CPLANE1: variants seen among roughly 807,000 people sequenced by gnomAD.
CPLANE1 encodes the protein ciliogenesis and planar polarity effector complex subunit 1, also known as ciliogenesis and planar polarity effector 1.
A neutral mutation model predicts 362.5 loss-of-function variants in CPLANE1; 263 were observed. That is an observed-to-expected ratio of 0.73 (90% CI 0.66 to 0.80). The LOEUF (loss-of-function observed/expected upper bound fraction) is 0.80, where lower values mean the gene tolerates loss of function less well. Among genes scored for constraint, CPLANE1 ranks in the 30% least tolerant of loss-of-function variants. The pLI is 0.00. For synonymous variants in CPLANE1, 1,212 were observed against 1,302.6 expected (o/e 0.93, Z 1.50); for missense variants, 3,461 against 3,793.4 (o/e 0.91, Z 2.30).
chr5:37,241,913 C>A (rs1292623486), intron 6 of CPLANE1, among the ~76,000 whole-genome samples: 1 of 152,062 alleles, frequency 6.6e-6, no homozygotes, highest in East Asian at 1.9e-4. Context: ...TACAGGCATC[C>A]ACCACCACAC....
intron 44 of CPLANE1, 126 bp downstream of exon 44, chr5:37,142,184 C>A (rs1212118355): frequency 7.8e-7 from 1 of 1,286,050 alleles, no homozygotes; most frequent in East Asian, 3.1e-5. Flanking sequence ...AACTTTCCTT[C>A]CCCTAAAATA....
Position 37,182,926 on chromosome 5 carries a change from C to A in CPLANE1, c.5255G>T (p.Arg1752Met), listed in dbSNP as rs763933855. 1.2e-6 allele frequency: 2 copies of A among 1,605,162 alleles called. No homozygotes were observed. Among genetic ancestry groups the A allele is most frequent in the South Asian group, 2.2e-5 (2 of 89,290 alleles). Reference sequence around the variant, plus strand: ...ACAGAGTAGCCTTCTATTAGACCACCTTATCATCCATTCCAGCAGTCTTCC... The same window carrying A: ...ACAGAGTAGCCTTCTATTAGACCACATTATCATCCATTCCAGCAGTCTTCC... ...SIGRLLEWMI[R>M]WSNRRLLCDS... The change falls in exon 26 of 53, where the codon AGG becomes ATG. Residue 1752 changes from arginine (R) to methionine (M), a missense_variant. By Grantham distance (91) the Arg-to-Met change is moderately conservative (BLOSUM62 -1). This residue lies in a region of CPLANE1 where 3,380 missense variants were observed against 3,666.1 expected (regional missense o/e 0.92). Coordinates refer to ENST00000651892, the MANE Select transcript of CPLANE1 (RefSeq NM_001384732.1).
chr5:37,125,077 A>G, intron 47 of CPLANE1, 167 bp downstream of exon 47: 1 of 1,372,398 alleles, frequency 7.3e-7, no homozygotes. Context: ...ATGCTGCAAC[A>G]TTTTAAGATA....
At chr5:37,112,275 A>G (rs1347402297) in intron 51 of CPLANE1, among the ~76,000 whole-genome samples, 1 of 152,242 alleles carries the variant, frequency 6.6e-6, no homozygotes, top group East Asian at 1.9e-4. Context: ...ACAAACCTTG[A>G]GAGGCTATCA....
At position 37,107,271 on chromosome 5, in the gene CPLANE1, A is replaced by G. The variant is rs995119937; in HGVS notation, c.*331T>C. Reference sequence around the variant, plus strand: ...TGTTTCTCAAAACTCAGAGGGTAATAAAGGAGGAGGCAAGATAGAGGGTTT... The same window carrying G: ...TGTTTCTCAAAACTCAGAGGGTAATGAAGGAGGAGGCAAGATAGAGGGTTT... On this transcript the variant is annotated 3_prime_UTR_variant, in exon 53 of 53. Coordinates refer to ENST00000651892, the MANE Select transcript of CPLANE1 (RefSeq NM_001384732.1). 8.7e-6 allele frequency: 9 copies of G among 1,040,436 alleles called. No individual in the cohort carries two copies. The African/African-American group carries it at 1.5e-4, about 18-fold the overall frequency. 64.5% of individuals were successfully genotyped at this position (1,040,436 alleles called of 1,614,324 possible).
chr5:37,086,749 C>T, the CPLANE1 span, among the ~76,000 whole-genome samples: 1 of 152,156 alleles, frequency 6.6e-6, no homozygotes, highest in Non-Finnish European at 1.5e-5. Flanking sequence ...CCGGGGCTGA[C>T]AGCACTCTTC....
chr5:37,189,325 T>C (rs749485546), intron 21 of CPLANE1, among the ~76,000 whole-genome samples: 59 of 152,188 alleles, frequency 3.9e-4, no homozygotes, highest in Non-Finnish European at 6.8e-4. Context: ...TTCATCCCAA[T>C]AGTGAGAGAG....
At chr5:37,077,168 AG>A in the CPLANE1 span, among the ~76,000 whole-genome samples, 1 of 152,176 alleles carries the variant, frequency 6.6e-6, no homozygotes, top group South Asian at 2.1e-4. Context: ...TATAGGTGCT[AG>A]GAATTCTTTG....
intron 16 of CPLANE1, chr5:37,210,561 A>G: frequency 1.3e-6 from 2 of 1,523,602 alleles, no homozygotes; most frequent in Non-Finnish European, 1.8e-6. Flanking sequence ...CAATCAATCT[A>G]TAAATCGCAT....
Position 37,148,170 on chromosome 5 carries a change from C to A in CPLANE1, c.8461+11G>T, listed in dbSNP as rs576833008. On this transcript the variant is annotated intron_variant, in intron 43 of 52. Coordinates refer to ENST00000651892, the MANE Select transcript of CPLANE1 (RefSeq NM_001384732.1). The stretch of plus-strand genomic sequence containing the variant: ...CAAGACTTCAGCCAGCCCCTATCAG[C>A]CCCTACAAACCTTCTTCAGAAATGC... 1 of 1,605,390 alleles carries A rather than the reference C, an allele frequency of 6.2e-7. No individual in the cohort carries two copies. Among genetic ancestry groups the A allele is most frequent in the East Asian group, 2.2e-5 (1 of 44,780 alleles).
At chr5:37,125,140 A>C (rs1054095526) in intron 47 of CPLANE1, 104 bp downstream of exon 47, 36 of 1,421,402 alleles carry the variant, frequency 2.5e-5, no homozygotes, top group Non-Finnish European at 3.1e-5. Context: ...TATATGCCAA[A>C]TTACAAATGT....
intron 9 of CPLANE1, 108 bp from the exon 10 acceptor site, chr5:37,227,925 G>T: frequency 9.2e-7 from 1 of 1,081,976 alleles, no homozygotes; most frequent in Non-Finnish European, 1.3e-6. Flanking sequence ...GAAAAAGCAA[G>T]CAAGTGAAAC....
chr5:37,200,897 C>A (rs547864929), intron 19 of CPLANE1, among the ~76,000 whole-genome samples: 10 of 152,272 alleles, frequency 6.6e-5, no homozygotes, highest in African/African-American at 2.4e-4. Flanking sequence ...AATCTCGGCT[C>A]ACTACAACCT....
chr5:37,143,558 T>A (rs899456950), intron 43 of CPLANE1, among the ~76,000 whole-genome samples: 1 of 152,090 alleles, frequency 6.6e-6, no homozygotes, highest in Admixed American at 6.5e-5. Context: ...AAAAAGAGAA[T>A]TAGTAAACTA....
intron 51 of CPLANE1, 34 bp from the exon 52 acceptor site, chr5:37,108,505 A>G (rs1189506398): frequency 5.8e-6 from 9 of 1,552,896 alleles, no homozygotes; most frequent in Non-Finnish European, 7.9e-6. Flanking sequence ...ACACATTGGG[A>G]TTGATTCATT....
At chr5:37,115,136 G>A (rs116511206) in intron 50 of CPLANE1, 87 bp from the exon 51 acceptor site, 443 of 876,556 alleles carry the variant, frequency 5.1e-4, no homozygotes, top group Non-Finnish European at 6.9e-4. Context: ...CAGACACCTT[G>A]GTGATCAGCT....
At chr5:37,075,757 G>GCCTT in the CPLANE1 span, among the ~76,000 whole-genome samples, 5 of 152,162 alleles carry the variant, frequency 3.3e-5, no homozygotes, top group South Asian at 1.0e-3. Flanking sequence ...CAAGCTTGCT[G>GCCTT]CCTTCTTCCC....
intron 29 of CPLANE1, 91 bp from the exon 30 acceptor site, chr5:37,177,791 A>C: frequency 1.1e-6 from 1 of 927,896 alleles, no homozygotes; most frequent in Non-Finnish European, 1.7e-6. Context: ...TAGCCACTTA[A>C]CCAGAGTAAC....
intron 19 of CPLANE1, among the ~76,000 whole-genome samples, chr5:37,199,096 CAAAAAAA>C (rs35945783): frequency 0.043 from 2,027 of 47,174 alleles, 66 homozygotes; most frequent in African/African-American, 0.15. Flanking sequence ...CACCCTGTCT[CAAAAAAA>C]AAAAAAAAAA....
Sources: allele counts gnomAD v4.1 joint callset (sites outside exome capture counted in the v4.1 genomes callset), GRCh38; gene constraint gnomAD v4.1.1; regional missense constraint gnomAD v4.1.1; transcripts MANE v1.5; gene names NCBI Gene and HGNC (gene_info 2026-07-23, HGNC 2026-07-21).